The following TMEM132D variants were observed in gnomAD, a reference collection of about 807,000 sequenced individuals.
The protein encoded by TMEM132D is mature OL transmembrane protein.
Under a neutral mutation model 62.3 loss-of-function variants are expected in TMEM132D, and 21 were observed. That is an observed-to-expected ratio of 0.34 (90% CI 0.24 to 0.49). The LOEUF is 0.49. Ranked by LOEUF, TMEM132D falls within the 20% of genes least tolerant of loss-of-function variation. The pLI is 0.99. For synonymous variants in TMEM132D, 621 were observed against 575.6 expected (o/e 1.08, Z -1.13); for missense variants, 1,346 against 1,402.8 (o/e 0.96, Z 0.65).
chr12:129,574,535 C>G (rs1469591092), intron 2 of TMEM132D, among the ~76,000 whole-genome samples: 2 of 151,884 alleles, frequency 1.3e-5, no homozygotes, highest in Admixed American at 6.5e-5. Flanking sequence ...GTGTGCAGAG[C>G]AAAATGCATT....
chr12:129,444,080 C>T (rs1437265186), intron 3 of TMEM132D, among the ~76,000 whole-genome samples: 1 of 152,016 alleles, frequency 6.6e-6, no homozygotes, highest in Non-Finnish European at 1.5e-5. Context: ...GAAACTGGAC[C>T]CTTTCCTTCC....
chr12:129,449,491 A>G (rs1356527948), intron 3 of TMEM132D, among the ~76,000 whole-genome samples: 10 of 152,210 alleles, frequency 6.6e-5, no homozygotes, highest in Admixed American at 5.9e-4. Flanking sequence ...CTGTGGTGCA[A>G]CACATATTGA....
intron 3 of TMEM132D, among the ~76,000 whole-genome samples, chr12:129,517,306 G>C (rs1308978427): frequency 2.0e-5 from 3 of 152,128 alleles, no homozygotes; most frequent in Non-Finnish European, 2.9e-5. Flanking sequence ...TGGTTAAATT[G>C]AAACAAGCTC....
intron 2 of TMEM132D, among the ~76,000 whole-genome samples, chr12:129,633,655 T>G (rs1879407260): frequency 1.3e-5 from 2 of 152,142 alleles, no homozygotes; most frequent in African/African-American, 4.8e-5. Flanking sequence ...TCTTTCATGG[T>G]GAGAGTGTGA....
intron 1 of TMEM132D, among the ~76,000 whole-genome samples, chr12:129,789,884 G>T (rs1871352002): frequency 6.6e-6 from 1 of 152,184 alleles, no homozygotes; most frequent in Non-Finnish European, 1.5e-5. Flanking sequence ...CTAACATAGG[G>T]TCATCTATTA....
intron 1 of TMEM132D, among the ~76,000 whole-genome samples, chr12:129,835,084 C>T (rs903587392): frequency 1.3e-5 from 2 of 152,108 alleles, no homozygotes; most frequent in Admixed American, 6.5e-5. Flanking sequence ...CTTTATTTTA[C>T]AAAGACACGG....
At chr12:129,710,273 T>C (rs148760215) in intron 1 of TMEM132D, among the ~76,000 whole-genome samples, 2,273 of 151,678 alleles carry the variant, frequency 0.015, 57 homozygotes, top group African/African-American at 0.051. Context: ...TCGCTAATGG[T>C]CATTATTAAT....
At chr12:129,517,952 A>G (rs537168631) in intron 3 of TMEM132D, among the ~76,000 whole-genome samples, 1 of 152,296 alleles carries the variant, frequency 6.6e-6, no homozygotes, top group East Asian at 1.9e-4. Context: ...TATACAGCCT[A>G]AGATTATTGT....
intron 2 of TMEM132D, among the ~76,000 whole-genome samples, chr12:129,576,483 T>A (rs1249999966): frequency 6.6e-6 from 1 of 151,860 alleles, no homozygotes; most frequent in African/African-American, 2.4e-5. Context: ...CATACATATG[T>A]GTACATATAT....
At chr12:129,456,744 C>T (rs932517002) in intron 3 of TMEM132D, among the ~76,000 whole-genome samples, 20 of 152,170 alleles carry the variant, frequency 1.3e-4, no homozygotes, top group African/African-American at 4.8e-4. Flanking sequence ...CATCCCAGTC[C>T]ACTCTTGTTT....
intron 2 of TMEM132D, among the ~76,000 whole-genome samples, chr12:129,549,848 T>A (rs1876844785): frequency 6.6e-6 from 1 of 152,174 alleles, no homozygotes; most frequent in Non-Finnish European, 1.5e-5. Context: ...GCCTGCTCTG[T>A]TAGCTCATGC....
chr12:129,083,886 C>T (rs917328281), intron 6 of TMEM132D, among the ~76,000 whole-genome samples: 2 of 152,150 alleles, frequency 1.3e-5, no homozygotes, highest in African/African-American at 4.8e-5. Context: ...ACTCCTGGGA[C>T]TCTACCAAGC....
chr12:129,283,885 C>T (rs1313752669), intron 4 of TMEM132D, among the ~76,000 whole-genome samples: 2 of 152,242 alleles, frequency 1.3e-5, no homozygotes, highest in Non-Finnish European at 1.5e-5. Flanking sequence ...GGGGGAGGAG[C>T]TAACTTCCCC....
chr12:129,582,712 G>A (rs1366084210), intron 2 of TMEM132D, among the ~76,000 whole-genome samples: 2 of 149,312 alleles, frequency 1.3e-5, no homozygotes, highest in African/African-American at 2.5e-5. Flanking sequence ...TCCGCCTCCC[G>A]GGTTCAAGCG....
intron 4 of TMEM132D, among the ~76,000 whole-genome samples, chr12:129,300,288 C>G (rs1280805166): frequency 6.6e-6 from 1 of 152,106 alleles, no homozygotes; most frequent in Non-Finnish European, 1.5e-5. Flanking sequence ...ACATAGGAAC[C>G]CTATAAGAGG....
intron 2 of TMEM132D, among the ~76,000 whole-genome samples, chr12:129,627,893 G>A (rs532073015): frequency 6.6e-6 from 1 of 152,140 alleles, no homozygotes; most frequent in African/African-American, 2.4e-5. Context: ...GGGCTGAAGT[G>A]GAATGATTGC....
At chr12:129,790,687 T>A (rs567344856) in intron 1 of TMEM132D, among the ~76,000 whole-genome samples, 37 of 152,272 alleles carry the variant, frequency 2.4e-4, no homozygotes, top group African/African-American at 7.9e-4. Flanking sequence ...AAAACAGGAA[T>A]GCATGTTCCC....
intron 5 of TMEM132D, among the ~76,000 whole-genome samples, chr12:129,105,649 A>C (rs1345330005): frequency 2.6e-5 from 4 of 151,026 alleles, no homozygotes; most frequent in Non-Finnish European, 5.9e-5. Context: ...TTATGCAGCC[A>C]AAAAACACAT....
At chr12:129,285,444 T>C (rs1881265803) in intron 4 of TMEM132D, among the ~76,000 whole-genome samples, 2 of 148,832 alleles carry the variant, frequency 1.3e-5, no homozygotes, top group Non-Finnish European at 3.0e-5. Flanking sequence ...GGAAAATCGC[T>C]TGGACCCGGG....
Sources: gnomAD v4.1 joint callset for allele counts (sites outside exome capture counted in the v4.1 genomes callset) on GRCh38, gnomAD v4.1.1 for gene constraint, MANE v1.5 for transcripts, NCBI Gene and HGNC (gene_info 2026-07-23, HGNC 2026-07-21) for gene names.